Variants in NR2C2 observed in about 807,000 individuals in gnomAD.
NR2C2 encodes Nuclear hormone receptor TR4.
In NR2C2, 6 loss-of-function variants were observed where a neutral mutation model predicts 62.9. The observed-to-expected ratio is 0.10, with a 90% CI of 0.05 to 0.19. NR2C2 has a LOEUF of 0.19. Ranked by LOEUF, NR2C2 falls within the 10% of genes least tolerant of loss-of-function variation. The pLI is 1.00. For missense variants in NR2C2, 479 were observed against 762.7 expected, an observed-to-expected ratio of 0.63 and a Z score of 4.38; for synonymous variants, 272 against 273.8, an observed-to-expected ratio of 0.99 and a Z score of 0.07.
In NR2C2 at chr3:15,032,489, T is replaced by C. The variant is rs773415471; in HGVS notation, c.1221T>C (p.Phe407=). Residue 407 remains phenylalanine (F), a synonymous_variant, in exon 10 of 14, where the codon TTT becomes TTC. Transcript: ENST00000425241. The stretch of plus-strand genomic sequence containing the variant: ...ACTGGGCTCGGTCAATCCCAGCCTT[T>C]CAGGCACTTGGGTAAGTGGCCTCTT... ...SMHWARSIPA[F]QALGQDCNTS... is the part of the protein sequence containing the mutation. 2 of 1,614,234 alleles carry C rather than the reference T, an allele frequency of 1.2e-6. No individual in the cohort carries two copies. The highest frequency in any genetic ancestry group is 1.7e-6 in the Non-Finnish European group (2 of 1,180,034).
Position 14,986,257 on chromosome 3 carries a change from T to C in NR2C2, c.-39-17619T>C, listed in dbSNP as rs182592374. The stretch of plus-strand genomic sequence containing the variant: ...AGGAAAGCAGCCTATTATGAAATAA[T>C]GTGTATTTCATGTAAATGCTTAGGA... On this transcript the variant is annotated intron_variant, in intron 1 of 13. Transcript: ENST00000425241. Among the ~76,000 whole-genome samples, 6 of 152,272 alleles carry C rather than the reference T, an allele frequency of 3.9e-5. No individual in the cohort carries two copies. In the East Asian group the frequency reaches 1.2e-3, roughly 29 times the overall value.
intron 13 of NR2C2, among the ~76,000 whole-genome samples, chr3:15,042,276 G>A (rs2042297478): frequency 6.6e-6 from 1 of 152,112 alleles, no homozygotes; most frequent in South Asian, 2.1e-4. Flanking sequence ...TATTTATAAT[G>A]CTAAATGAAC....
At chr3:14,977,576 C>A (rs1023689985) in intron 1 of NR2C2, among the ~76,000 whole-genome samples, 2 of 152,016 alleles carry the variant, frequency 1.3e-5, no homozygotes, top group African/African-American at 4.8e-5. Context: ...TACATAGTTG[C>A]TTTTATCCAA....
At chr3:14,980,034 G>A (rs549628400) in intron 1 of NR2C2, among the ~76,000 whole-genome samples, 10 of 152,012 alleles carry the variant, frequency 6.6e-5, no homozygotes, top group South Asian at 2.1e-4. Flanking sequence ...ATTGCCACCC[G>A]TAGTCCCCAC....
chr3:14,979,513 G>T (rs781442011), intron 1 of NR2C2, among the ~76,000 whole-genome samples: 1 of 152,316 alleles, frequency 6.6e-6, no homozygotes, highest in East Asian at 1.9e-4. Context: ...TAAAGAAAAG[G>T]GAAGGGATCA....
At chr3:15,012,876 G>A (rs1022634524) in intron 2 of NR2C2, among the ~76,000 whole-genome samples, 2 of 152,196 alleles carry the variant, frequency 1.3e-5, no homozygotes, top group African/African-American at 4.8e-5. Context: ...TCTTGACAGC[G>A]AGACTCCTGA....
At chr3:15,037,037 G>A (rs987172836) in intron 11 of NR2C2, among the ~76,000 whole-genome samples, 6 of 151,784 alleles carry the variant, frequency 4.0e-5, no homozygotes, top group African/African-American at 4.8e-5. Context: ...TAGGAAAATC[G>A]CTTGAACCTG....
At chr3:15,020,319 C>A (rs369606426) in intron 4 of NR2C2, among the ~76,000 whole-genome samples, 8 of 152,218 alleles carry the variant, frequency 5.3e-5, no homozygotes, top group East Asian at 3.8e-4. Context: ...GCCACACATG[C>A]ACGTGTTTGC....
chr3:14,969,790 A>G (rs1267265114), intron 1 of NR2C2, among the ~76,000 whole-genome samples: 1 of 152,200 alleles, frequency 6.6e-6, no homozygotes. Flanking sequence ...CCAAATTCTT[A>G]TGACCTCTTT....
intron 1 of NR2C2, among the ~76,000 whole-genome samples, chr3:14,955,228 G>A (rs564921482): frequency 3.9e-5 from 6 of 152,244 alleles, no homozygotes; most frequent in Non-Finnish European, 7.4e-5. Flanking sequence ...TATTGTGTAG[G>A]TTAAGTTTTA....
chr3:15,040,243 A>T (rs1250208575), intron 13 of NR2C2, among the ~76,000 whole-genome samples: 2 of 152,176 alleles, frequency 1.3e-5, no homozygotes, highest in Non-Finnish European at 2.9e-5. Context: ...GCCAAAGGTC[A>T]GAATGCATTG....
chr3:15,006,200 G>A (rs986502499), intron 2 of NR2C2, among the ~76,000 whole-genome samples: 4 of 151,988 alleles, frequency 2.6e-5, no homozygotes, highest in Non-Finnish European at 5.9e-5. Flanking sequence ...GAGAGACCCT[G>A]TCTCAAAAAA....
At chr3:14,955,716 T>C (rs551271195) in intron 1 of NR2C2, among the ~76,000 whole-genome samples, 20 of 152,328 alleles carry the variant, frequency 1.3e-4, no homozygotes, top group African/African-American at 4.8e-4. Flanking sequence ...AGAGAATTTA[T>C]CCTGCTTTCC....
At chr3:15,002,970 T>A (rs1412986460) in intron 1 of NR2C2, among the ~76,000 whole-genome samples, 1 of 149,596 alleles carries the variant, frequency 6.7e-6, no homozygotes, top group East Asian at 2.0e-4. Flanking sequence ...CAATACACTT[T>A]TTTTTTTTTC....
chr3:15,025,761 C>T (rs995216760), intron 7 of NR2C2: 2 of 152,366 alleles, frequency 1.3e-5, no homozygotes, highest in Non-Finnish European at 2.9e-5. Context: ...ACAACGAGGA[C>T]ATTGGCTTTG....
intron 1 of NR2C2, among the ~76,000 whole-genome samples, chr3:14,985,829 G>A (rs2040499449): frequency 6.6e-6 from 1 of 152,132 alleles, no homozygotes; most frequent in African/African-American, 2.4e-5. Flanking sequence ...GTACAGTGAT[G>A]GACATCTTTA....
At chr3:14,993,481 GA>G (rs1339962949) in intron 1 of NR2C2, among the ~76,000 whole-genome samples, 3 of 151,858 alleles carry the variant, frequency 2.0e-5, no homozygotes, top group Non-Finnish European at 4.4e-5. Context: ...AATGTTTCTG[GA>G]AAAAAAGTAA....
At chr3:15,023,146 TTTTATTGA>T (rs2041724893) in intron 5 of NR2C2, 46 bp from the exon 6 acceptor site, 3 of 1,595,810 alleles carry the variant, frequency 1.9e-6, no homozygotes, top group Non-Finnish European at 2.6e-6. Context: ...CCCTTGTGGT[TTTTATTGA>T]TTGGAATTGT....
In NR2C2 at chr3:15,013,540, T is replaced by G. The variant is rs765411455; in HGVS notation, c.73-49T>G. 35 of 1,558,546 alleles carry G rather than the reference T, an allele frequency of 2.2e-5. No homozygotes were observed. The East Asian group carries it at 7.7e-4, about 34-fold the overall frequency. On this transcript the variant is annotated intron_variant, in intron 2 of 13. Coordinates refer to ENST00000425241, the MANE Select transcript of NR2C2 (RefSeq NM_001291694.2). ...ACTTTGAGCACCACCTGCAAATGCA[T>G]GGGTCTTGTGACACTCCATGAGAGC...
Sources: allele counts gnomAD v4.1 joint callset (sites outside exome capture counted in the v4.1 genomes callset), GRCh38; gene constraint gnomAD v4.1.1; transcripts MANE v1.5; gene names NCBI Gene and HGNC (gene_info 2026-07-23, HGNC 2026-07-21).